The following DOCK8 variants were observed in gnomAD, a reference collection of about 807,000 sequenced individuals.
DOCK8 encodes dedicator of cytokinesis protein 8.
Under a neutral mutation model 245.6 loss-of-function variants are expected in DOCK8, and 141 were observed. The observed-to-expected ratio is 0.57, with a 90% CI of 0.50 to 0.66. The LOEUF is 0.66. Ranked by LOEUF, DOCK8 falls within the 30% of genes least tolerant of loss-of-function variation. The pLI is 0.00. For missense variants in DOCK8, 2,965 were observed against 2,603.4 expected (o/e 1.14, Z -3.02); for synonymous variants, 1,168 against 970.2 (o/e 1.20, Z -3.79).
rs531944531 is a variant in DOCK8, at chr9:425,903, T to C, written c.4242-982T>C. Among the ~76,000 whole-genome samples the C allele has an allele frequency of 2.6e-5, 4 of 152,240 alleles. No individual in the cohort carries two copies. The South Asian group carries it at 8.3e-4, about 32-fold the overall frequency. On this transcript the variant is annotated intron_variant, in intron 33 of 47. Coordinates refer to ENST00000432829, the MANE Select transcript of DOCK8 (RefSeq NM_203447.4). ...CAAGTAAAACACACAGAAGTACTTATTTTTTGAGTCCTCAGTGGTATGTAA... is the reference window on the plus strand; with the variant it reads ...CAAGTAAAACACACAGAAGTACTTACTTTTTGAGTCCTCAGTGGTATGTAA...
At chr9:311,306 C>T (rs1167705395) in intron 5 of DOCK8, among the ~76,000 whole-genome samples, 1 of 148,130 alleles carries the variant, frequency 6.8e-6, no homozygotes, top group Non-Finnish European at 1.5e-5. Flanking sequence ...AAAAGGTAAT[C>T]ATACCTCACT....
intron 26 of DOCK8, among the ~76,000 whole-genome samples, chr9:400,542 C>T (rs1441762854): frequency 1.3e-5 from 1 of 74,492 alleles, no homozygotes; most frequent in Non-Finnish European, 2.3e-5. Context: ...ACCACCTCCA[C>T]CACCACCAGC....
intron 1 of DOCK8, among the ~76,000 whole-genome samples, chr9:233,919 G>A (rs2047183916): frequency 6.6e-6 from 1 of 152,152 alleles, no homozygotes; most frequent in South Asian, 2.1e-4. Flanking sequence ...ATTGTTATGT[G>A]TGAATTTGAT....
rs368543143 is a variant in DOCK8 at position 327,270 on chromosome 9, C to T, written c.895-752C>T. Among the ~76,000 whole-genome samples the T allele has an allele frequency of 2.2e-4, 33 of 152,318 alleles. No individual in the cohort carries two copies. The East Asian group carries it at 3.3e-3, about 15-fold the overall frequency. ...CAGTGCTGCTTCCATGAAAAGTTGT[C>T]CTTGTCACCCAACTGCAAATGGCCT... is the stretch of plus-strand genomic sequence containing the variant. On this transcript the variant is annotated intron_variant, in intron 8 of 47. Transcript: ENST00000432829.
chr9:268,667 G>T (rs1173060662), intron 1 of DOCK8, among the ~76,000 whole-genome samples: 1 of 152,186 alleles, frequency 6.6e-6, no homozygotes, highest in Non-Finnish European at 1.5e-5. Context: ...GCTCTTAGGG[G>T]AAGACCTGGA....
intron 14 of DOCK8, among the ~76,000 whole-genome samples, chr9:357,627 G>C (rs1484025259): frequency 6.6e-6 from 1 of 151,996 alleles, no homozygotes; most frequent in African/African-American, 2.4e-5. Context: ...TGCTGTTTGT[G>C]AGGGGTGTAG....
intron 1 of DOCK8, among the ~76,000 whole-genome samples, chr9:239,767 ATACT>A: frequency 6.6e-6 from 1 of 152,326 alleles, no homozygotes; most frequent in East Asian, 1.9e-4. Context: ...ACATACATAC[ATACT>A]TCTACAAAAC....
intron 1 of DOCK8, among the ~76,000 whole-genome samples, chr9:235,514 G>T (rs543455801): frequency 3.3e-5 from 5 of 152,360 alleles, no homozygotes; most frequent in Non-Finnish European, 5.9e-5. Flanking sequence ...TACAGAGGCA[G>T]GCAGGCCTCC....
intron 36 of DOCK8, among the ~76,000 whole-genome samples, chr9:431,137 G>C (rs1471819284): frequency 3.9e-5 from 6 of 152,142 alleles, no homozygotes; most frequent in Admixed American, 3.3e-4. Context: ...GCCCCCCAAA[G>C]TACTGAGATT....
intron 20 of DOCK8, 23 bp from the exon 21 acceptor site, chr9:379,748 C>G: frequency 6.2e-7 from 1 of 1,614,024 alleles, no homozygotes; most frequent in South Asian, 1.1e-5. Context: ...GTGGGACTAC[C>G]CATTTTTCTC....
In DOCK8 at chr9:439,321, C is replaced by T. The variant is rs1305777053; in HGVS notation, c.5156C>T (p.Ala1719Val). Residue 1719 changes from alanine to valine, a missense_variant, in exon 40 of 48, where the codon GCA becomes GTA. Ala to Val is a moderately conservative substitution (Grantham distance 64). Coordinates refer to ENST00000432829, the MANE Select transcript of DOCK8 (RefSeq NM_203447.4). ...TLSPDEDGVCAGQYFTESGLV... is the reference protein window; with the variant it reads ...TLSPDEDGVCVGQYFTESGLV... The stretch of plus-strand genomic sequence containing the variant: ...TCACCTGACGAGGATGGGGTGTGCG[C>T]AGGCCAGTACTTCACCGAGAGTGGC... 1.2e-6 allele frequency: 2 copies of T among 1,614,040 alleles called. No homozygotes were observed. The highest frequency in any genetic ancestry group is 1.7e-6 in the Non-Finnish European group (2 of 1,180,054).
intron 24 of DOCK8, among the ~76,000 whole-genome samples, chr9:394,079 G>T (rs1348848821): frequency 2.0e-5 from 3 of 152,168 alleles, no homozygotes; most frequent in Non-Finnish European, 4.4e-5. Context: ...CCTCACTGCA[G>T]CAGGGATGAG....
chr9:345,054 C>A (rs1563945854), intron 14 of DOCK8, among the ~76,000 whole-genome samples: 2 of 151,550 alleles, frequency 1.3e-5, no homozygotes, highest in African/African-American at 4.8e-5. Context: ...AACTCTGTCT[C>A]AAAAAAAAGG....
chr9:234,894 A>C (rs2047209534), intron 1 of DOCK8, among the ~76,000 whole-genome samples: 1 of 151,636 alleles, frequency 6.6e-6, no homozygotes, highest in Admixed American at 6.6e-5. Context: ...TCTTCTCTCA[A>C]CTCATCAAAG....
intron 5 of DOCK8, among the ~76,000 whole-genome samples, chr9:308,397 G>A (rs2049942225): frequency 6.6e-6 from 1 of 152,124 alleles, no homozygotes. Flanking sequence ...TGAAATATTG[G>A]AATAATACTC....
chr9:271,765 C>T (rs2048170964), intron 2 of DOCK8, 36 bp downstream of exon 2: 1 of 1,481,068 alleles, frequency 6.8e-7, no homozygotes, highest in African/African-American at 1.4e-5. Flanking sequence ...AGCGATTGGT[C>T]AAGTGCAAAA....
At chr9:448,142 G>T (rs2131854221) in intron 44 of DOCK8, among the ~76,000 whole-genome samples, 1 of 151,732 alleles carries the variant, frequency 6.6e-6, no homozygotes, top group South Asian at 2.1e-4. Context: ...TGTTGCCCTA[G>T]AGTGCAGTGG....
intron 6 of DOCK8, among the ~76,000 whole-genome samples, chr9:316,427 G>A (rs1046792132): frequency 8.5e-5 from 13 of 152,178 alleles, no homozygotes; most frequent in African/African-American, 2.9e-4. Flanking sequence ...AAATAAACAG[G>A]TAGAGCTCTT....
intron 14 of DOCK8, among the ~76,000 whole-genome samples, chr9:364,563 G>T (rs775523565): frequency 1.3e-5 from 2 of 150,900 alleles, no homozygotes; most frequent in African/African-American, 4.9e-5. Context: ...GAGCCCAGGA[G>T]GTCAAGGCTG....
Sources: gnomAD v4.1 joint callset for allele counts (sites outside exome capture counted in the v4.1 genomes callset) on GRCh38, gnomAD v4.1.1 for gene constraint, MANE v1.5 for transcripts, NCBI Gene and HGNC (gene_info 2026-07-23, HGNC 2026-07-21) for gene names.